Variants in EPHB1 observed in about 807,000 individuals in gnomAD.
EPHB1 encodes ephrin type-B receptor 1.
EPHB1 carries 30 observed loss-of-function variants against 94.4 expected under a neutral mutation model. The observed-to-expected ratio is 0.32, with a 90% CI of 0.24 to 0.43. EPHB1 has a LOEUF of 0.43. EPHB1 is among the 20% of genes least tolerant of loss of function. The pLI is 1.00. For synonymous variants in EPHB1, 522 were observed against 489.1 expected (o/e 1.07, Z -0.89); for missense variants, 1,055 against 1,308.3 (o/e 0.81, Z 2.99).
At chr3:134,918,756 C>T (rs1010125296) in intron 1 of EPHB1, among the ~76,000 whole-genome samples, 3 of 152,212 alleles carry the variant, frequency 2.0e-5, no homozygotes, top group African/African-American at 7.2e-5. Context: ...CTCTTCTGGG[C>T]TGGTTCCAGT....
At chr3:134,996,402 T>C (rs1376136596) in intron 3 of EPHB1, among the ~76,000 whole-genome samples, 2 of 152,102 alleles carry the variant, frequency 1.3e-5, no homozygotes, top group East Asian at 1.9e-4. Context: ...CCCAGGCTAC[T>C]CTTGAGCACT....
chr3:135,201,751 G>A (rs534098950), intron 12 of EPHB1, 62 bp downstream of exon 12: 1 of 1,504,484 alleles, frequency 6.6e-7, no homozygotes. Context: ...ACTCTACATG[G>A]CTGGGAACTG....
intron 3 of EPHB1, among the ~76,000 whole-genome samples, chr3:135,003,189 T>G (rs1168600726): frequency 6.6e-6 from 1 of 150,396 alleles, no homozygotes; most frequent in East Asian, 1.9e-4. Flanking sequence ...AAAGAACATC[T>G]TTATTTCTGC....
At chr3:135,107,553 C>A (rs567981664) in intron 4 of EPHB1, among the ~76,000 whole-genome samples, 2 of 152,308 alleles carry the variant, frequency 1.3e-5, no homozygotes, top group Admixed American at 6.5e-5. Context: ...GATAATGCTT[C>A]CTGGCTCCCT....
At position 135,154,270 on chromosome 3, in the gene EPHB1, T is replaced by C. The variant is rs368764620; in HGVS notation, c.1416T>C (p.Tyr472=). Residue 472 remains tyrosine, a synonymous_variant, in exon 6 of 16, where the codon TAT becomes TAC. Coordinates refer to ENST00000398015, the MANE Select transcript of EPHB1 (RefSeq NM_004441.5). ...TCCTGGACTATGAGATCCGGTACTA[T>C]GAGAAGGTGAGCCAGCTCTACCTGC... ...GIILDYEIRY[Y]EKEHNEFNSS... 23 of 1,613,732 alleles carry C rather than the reference T, an allele frequency of 1.4e-5. No homozygotes were observed. The African/African-American group carries it at 2.4e-4, about 17-fold the overall frequency.
intron 2 of EPHB1, among the ~76,000 whole-genome samples, chr3:134,928,686 A>C (rs2038845259): frequency 6.6e-6 from 1 of 152,154 alleles, no homozygotes. Context: ...GGGCAATGGA[A>C]TCAGAAGGCG....
chr3:135,043,231 G>A lies in EPHB1; in HGVS notation c.806-63217G>A, dbSNP rs1399850011. 2.0e-5 allele frequency among the ~76,000 whole-genome samples: 3 copies of A among 151,736 alleles called. No homozygotes were observed. In the East Asian group the frequency reaches 5.8e-4, roughly 29 times the overall value. On this transcript the variant is annotated intron_variant, in intron 3 of 15. Coordinates refer to ENST00000398015, the MANE Select transcript of EPHB1 (RefSeq NM_004441.5). The stretch of plus-strand genomic sequence containing the variant: ...TCCACTCCTAGGATTTTATTTTCTT[G>A]TGGATATCTTACACACATATCAAAT...
At chr3:134,953,805 C>G (rs757235824) in intron 3 of EPHB1, among the ~76,000 whole-genome samples, 18 of 152,170 alleles carry the variant, frequency 1.2e-4, no homozygotes, top group Non-Finnish European at 1.3e-4. Context: ...TGGAACTTTT[C>G]TTTTTTAGAG....
chr3:135,197,501 G>A (rs987228470), intron 11 of EPHB1, among the ~76,000 whole-genome samples: 1 of 152,318 alleles, frequency 6.6e-6, no homozygotes, highest in East Asian at 1.9e-4. Context: ...CATTGAGCTA[G>A]ATGAGCTTGA....
intron 2 of EPHB1, among the ~76,000 whole-genome samples, chr3:134,934,250 A>AT (rs1314790361): frequency 2.6e-5 from 4 of 152,196 alleles, no homozygotes; most frequent in East Asian, 1.9e-4. Context: ...CACTTAAAAC[A>AT]TTTTTTATAT....
In EPHB1 at chr3:134,871,196, G is replaced by T. The variant is rs552930530; in HGVS notation, c.59-54620G>T. On this transcript the variant is annotated intron_variant, in intron 1 of 15. Coordinates refer to ENST00000398015, the MANE Select transcript of EPHB1 (RefSeq NM_004441.5). ...CAGCTGCAGCTCAAGGAACCTGAGA[G>T]CAGTCCAGTAATGATTACAGCTCAG... Among the ~76,000 whole-genome samples, 9 of 152,332 alleles carry T rather than the reference G, an allele frequency of 5.9e-5. No individual in the cohort carries two copies. The South Asian group carries it at 1.9e-3, about 32-fold the overall frequency.
intron 1 of EPHB1, among the ~76,000 whole-genome samples, chr3:134,901,251 G>T (rs935523912): frequency 2.0e-5 from 3 of 152,062 alleles, no homozygotes; most frequent in African/African-American, 7.2e-5. Flanking sequence ...TCTCATAAAA[G>T]TTTTACAGTT....
intron 4 of EPHB1, among the ~76,000 whole-genome samples, chr3:135,116,088 C>G (rs1939693400): frequency 6.6e-6 from 1 of 152,142 alleles, no homozygotes; most frequent in Non-Finnish European, 1.5e-5. Context: ...GTGGCACACA[C>G]CTGTAGTCCC....
intron 2 of EPHB1, among the ~76,000 whole-genome samples, chr3:134,936,863 G>T (rs905661024): frequency 6.6e-6 from 1 of 152,200 alleles, no homozygotes; most frequent in Non-Finnish European, 1.5e-5. Context: ...ATGTAACAAG[G>T]CAGGGGTAGG....
rs141611332 is a variant in EPHB1 at position 135,237,110 on chromosome 3, T to G, written c.2347-4038T>G. On this transcript the variant is annotated intron_variant, in intron 12 of 15. Transcript: ENST00000398015. ...GAATGGGTGCTGCATAGATGCTTGC[T>G]GCAGACTGTCTGAAGCTGAGGGACT... Among the ~76,000 whole-genome samples, 584 of 152,246 alleles carry G rather than the reference T, an allele frequency of 3.8e-3. 3 individuals carry two copies. Among genetic ancestry groups the G allele is most frequent in the African/African-American group, 0.014 (563 of 41,580 alleles).
chr3:134,890,276 G>A (rs1026798986), intron 1 of EPHB1, among the ~76,000 whole-genome samples: 1 of 152,196 alleles, frequency 6.6e-6, no homozygotes. Context: ...TGTGATATAT[G>A]CTTTTTTCTG....
chr3:134,805,659 A>G (rs969528001), intron 1 of EPHB1, among the ~76,000 whole-genome samples: 8 of 151,912 alleles, frequency 5.3e-5, no homozygotes, highest in Non-Finnish European at 7.4e-5. Context: ...CCTTAACTTC[A>G]TCCACACAGA....
At chr3:134,887,423 TATC>T (rs754078516) in intron 1 of EPHB1, among the ~76,000 whole-genome samples, 32 of 152,142 alleles carry the variant, frequency 2.1e-4, no homozygotes, top group Non-Finnish European at 4.1e-4. Flanking sequence ...GATGGAGAAA[TATC>T]ATTTTTGGAG....
At chr3:134,843,283 T>C (rs1387241946) in intron 1 of EPHB1, among the ~76,000 whole-genome samples, 1 of 152,234 alleles carries the variant, frequency 6.6e-6, no homozygotes, top group African/African-American at 2.4e-5. Flanking sequence ...TCTCTGTATG[T>C]TATTTTCTTT....
Sources: allele counts gnomAD v4.1 joint callset (sites outside exome capture counted in the v4.1 genomes callset), GRCh38; gene constraint gnomAD v4.1.1; transcripts MANE v1.5; gene names NCBI Gene and HGNC (gene_info 2026-07-23, HGNC 2026-07-21).